Variants in TDRD6 observed in about 807,000 individuals in gnomAD.
TDRD6 encodes tudor domain containing 6.
TDRD6 carries 186 observed loss-of-function variants against 157.5 expected under a neutral mutation model. The ratio of observed to expected loss-of-function variants is 1.18; its 90% confidence interval spans 1.05 to 1.33. The LOEUF (loss-of-function observed/expected upper bound fraction) is 1.33, where lower values mean the gene tolerates loss of function less well. TDRD6 is among the 40% of genes most tolerant of loss of function. The pLI is 0.00. For missense variants in TDRD6, 3,066 were observed against 2,508.0 expected (o/e 1.22, Z -4.75); for synonymous variants, 1,075 against 945.2 (o/e 1.14, Z -2.52).
At chr6:46,681,142 CAT>C in the TDRD6 span, among the ~76,000 whole-genome samples, 2 of 152,200 alleles carry the variant, frequency 1.3e-5, no homozygotes, top group African/African-American at 2.4e-5. Flanking sequence ...CATTTATACA[CAT>C]GATTAAATCA....
intron 3 of TDRD6, among the ~76,000 whole-genome samples, chr6:46,700,198 CTATT>C (rs554343074): frequency 1.4e-3 from 217 of 152,174 alleles, no homozygotes; most frequent in African/African-American, 4.9e-3. Context: ...TAGAAAAGAA[CTATT>C]TAAAGTAGAC....
rs781484467 is a variant in TDRD6, at chr6:46,694,105, C to A, written c.5977C>A (p.Pro1993Thr). 13 of 1,606,720 alleles carry A rather than the reference C, an allele frequency of 8.1e-6. No individual in the cohort carries two copies. The highest frequency in any genetic ancestry group is 2.2e-5 in the East Asian group (1 of 44,862). ...KNRDAISALM[P>T]LFSEEESSDG... ...CAGGGATGCCATTTCGGCATTGATG[C>A]CTTTGTTCTCTGAGGAAGAAAGCAG... The change falls in exon 1 of 4, where the codon CCT (proline) becomes ACT (threonine). Residue 1993 changes from proline (P) to threonine (T), a missense_variant. Transcript: ENST00000316081.
At position 46,691,198 on chromosome 6, in the gene TDRD6, A is replaced by C. The variant is rs561105993; in HGVS notation, c.3070A>C (p.Lys1024Gln). 3 of 1,613,074 alleles carry C rather than the reference A, an allele frequency of 1.9e-6. No homozygotes were observed. The South Asian group carries it at 3.3e-5, about 18-fold the overall frequency. Residue 1024 changes from lysine (K) to glutamine (Q), a missense_variant, in exon 1 of 4, where the codon AAA becomes CAA. Transcript: ENST00000316081. The part of the protein sequence containing the change: ...QLSCSITQLS[K>Q]VLLNLKTSPL... ...GTCATGTAGTATTACACAATTAAGT[A>C]AAGTTTTGCTGAATTTAAAAACATC...
In TDRD6 at chr6:46,695,807, A is replaced by G. The variant is rs759785052; in HGVS notation, c.6047-14A>G. On this transcript the variant is annotated splice_polypyrimidine_tract_variant and intron_variant, in intron 1 of 3. Transcript: ENST00000316081. ...AGAGATATGCATTGAGTCTTACTCA[A>G]TTCAATTTGGCAGCTCAACTACAGA... The G allele has an allele frequency of 1.9e-5, 30 of 1,610,834 alleles. No individual in the cohort carries two copies. In the Admixed American group the frequency reaches 2.5e-4, roughly 14 times the overall value.
At position 46,688,989 on chromosome 6, in the gene TDRD6, CCGGGGTTCCA is replaced by C. The variant is rs1365780014; in HGVS notation, c.867_876del (p.Ser290GlnfsTer61). The C allele has an allele frequency of 9.9e-6, 16 of 1,613,758 alleles. No homozygotes were observed. The highest frequency in any genetic ancestry group is 1.4e-5 in the Non-Finnish European group (16 of 1,179,826). On this transcript the variant is annotated frameshift_variant, in exon 1 of 4. Coordinates refer to ENST00000316081, the MANE Select transcript of TDRD6 (RefSeq NM_001010870.3). LOFTEE classifies it high-confidence loss of function. ...TCTCCGAGAGCATGGCCCAGGTATA[CCGGGGTTCCA>C]CGGGGACAGGGGATGAGAACTCTAC... is the stretch of plus-strand genomic sequence containing the variant.
At position 46,691,774 on chromosome 6, in the gene TDRD6, C is replaced by A. The variant is rs953812212; in HGVS notation, c.3646C>A (p.Gln1216Lys). 4.1e-5 allele frequency: 66 copies of A among 1,596,584 alleles called. No homozygotes were observed. Among genetic ancestry groups the A allele is most frequent in the Non-Finnish European group, 5.4e-5 (63 of 1,175,686 alleles). ...AATTTTGGAAGAGTCATATAAACCT[C>A]AGATCAACTCATCATACAAGGAACT... ...KEILEESYKP[Q>K]INSSYKELKL... Residue 1216 changes from glutamine (Q) to lysine (K), a missense_variant, in exon 1 of 4, where the codon CAG becomes AAG. Physicochemically the swap from Gln to Lys is moderately conservative, Grantham distance 53. Coordinates refer to ENST00000316081, the MANE Select transcript of TDRD6 (RefSeq NM_001010870.3).
At position 46,688,519 on chromosome 6, in the gene TDRD6, C is replaced by A; in HGVS notation, c.391C>A (p.Leu131Ile). Residue 131 changes from leucine to isoleucine, a missense_variant, in exon 1 of 4, where the codon CTA becomes ATA. Coordinates refer to ENST00000316081, the MANE Select transcript of TDRD6 (RefSeq NM_001010870.3). ...GCCCTCGGAAGTGCTGGGCTGCGTGCTAGCGGGCCTGGTGCCGGCAGGCTG... is the reference window on the plus strand; with the variant it reads ...GCCCTCGGAAGTGCTGGGCTGCGTGATAGCGGGCCTGGTGCCGGCAGGCTG... ...NLPSEVLGCV[L>I]AGLVPAGCGA... is the part of the protein sequence containing the mutation. The A allele has an allele frequency of 6.4e-7, 1 of 1,566,072 alleles. No individual in the cohort carries two copies. The highest frequency in any genetic ancestry group is 1.9e-5 in the Admixed American group (1 of 53,978).
At chr6:46,685,570 G>C (rs957428416), upstream of TDRD6, among the ~76,000 whole-genome samples, 16 of 151,978 alleles carry the variant, frequency 1.1e-4, no homozygotes, top group Non-Finnish European at 1.6e-4. Flanking sequence ...TTTGTATTAG[G>C]ATAAGAATAT....
At position 46,688,153 on chromosome 6, in the gene TDRD6, G is replaced by T. The variant is rs768691114; in HGVS notation, c.25G>T (p.Ala9Ser). 3 of 1,543,880 alleles carry T rather than the reference G, an allele frequency of 1.9e-6. No homozygotes were observed. The highest frequency in any genetic ancestry group is 1.9e-5 in the Admixed American group (1 of 52,250). MCSTPGMPAPGASLALRVS... is the reference protein window; with the variant it reads MCSTPGMPSPGASLALRVS... The stretch of plus-strand genomic sequence containing the variant: ...GATGTGCTCGACGCCCGGAATGCCG[G>T]CGCCGGGGGCCTCGCTGGCCCTGCG... The change falls in exon 1 of 4, where the codon GCG becomes TCG. Residue 9 changes from alanine to serine, a missense_variant. Transcript: ENST00000316081.
At chr6:46,685,084 C>T (rs1345957971), upstream of TDRD6, among the ~76,000 whole-genome samples, 1 of 149,418 alleles carries the variant, frequency 6.7e-6, no homozygotes, top group East Asian at 2.0e-4. Context: ...GTCATCTGTA[C>T]ATCCTCCTCC....
Position 46,689,441 on chromosome 6 carries a change from A to G in TDRD6, c.1313A>G (p.Gln438Arg). 6.2e-7 allele frequency: 1 copy of G among 1,613,476 alleles called. No homozygotes were observed. Among genetic ancestry groups the G allele is most frequent in the Non-Finnish European group, 8.5e-7 (1 of 1,180,034 alleles). Residue 438 changes from glutamine (Q) to arginine (R), a missense_variant, in exon 1 of 4, where the codon CAG becomes CGG. Transcript: ENST00000316081. The part of the protein sequence containing the change: ...GINLNRVFGV[Q>R]SCCLADRVLQ... ...AATCTGAACCGTGTGTTTGGAGTAC[A>G]GTCGTGTTGCTTGGCTGACCGAGTC...
In TDRD6 at chr6:46,691,059, T is replaced by C; in HGVS notation, c.2931T>C (p.Tyr977=). The C allele has an allele frequency of 6.2e-7, 1 of 1,613,870 alleles. No homozygotes were observed. The highest frequency in any genetic ancestry group is 8.5e-7 in the Non-Finnish European group (1 of 1,179,886). The change falls in exon 1 of 4, where the codon TAT becomes TAC. Residue 977 remains tyrosine (Y), a synonymous_variant. Coordinates refer to ENST00000316081, the MANE Select transcript of TDRD6 (RefSeq NM_001010870.3). ...CTGTTCAGCTACATTCCTACTTCTA[T>C]TCTACACATGATATGAAAATTGGAA... The part of the protein sequence containing the change: ...ESSVQLHSYF[Y]STHDMKIGSE...
intron 3 of TDRD6, chr6:46,701,072 G>T: frequency 2.4e-6 from 1 of 417,702 alleles, no homozygotes. Context: ...GGTAACTTGT[G>T]TTTTTAAAAC....
Position 46,690,355 on chromosome 6 carries a change from A to G in TDRD6, c.2227A>G (p.Lys743Glu), listed in dbSNP as rs769800918. The change falls in exon 1 of 4, where the codon AAA becomes GAA. Residue 743 changes from lysine (K) to glutamate (E), a missense_variant. Coordinates refer to ENST00000316081, the MANE Select transcript of TDRD6 (RefSeq NM_001010870.3). ...STELVVQEKV[K>E]RASVYFPLMQ... ...TGAACTAGTTGTGCAGGAAAAAGTG[A>G]AAAGAGCATCTGTTTATTTTCCTCT... 3 of 1,613,452 alleles carry G rather than the reference A, an allele frequency of 1.9e-6. No homozygotes were observed. The highest frequency in any genetic ancestry group is 2.5e-6 in the Non-Finnish European group (3 of 1,179,976).
rs1178273191 is a variant in TDRD6 at position 46,692,837 on chromosome 6, T to C, written c.4709T>C (p.Ile1570Thr). The change falls in exon 1 of 4, where the codon ATT becomes ACT. Residue 1570 changes from isoleucine (I) to threonine (T), a missense_variant. Ile to Thr is a moderately conservative substitution (Grantham distance 89). Coordinates refer to ENST00000316081, the MANE Select transcript of TDRD6 (RefSeq NM_001010870.3). ...AGAAATTGTATCCCATGTCCTTATATTGGAGATCCTTGTATAGTAAGATAC... is the reference window on the plus strand; with the variant it reads ...AGAAATTGTATCCCATGTCCTTATACTGGAGATCCTTGTATAGTAAGATAC... ...DRRNCIPCPY[I>T]GDPCIVRYRE... 6.2e-7 allele frequency: 1 copy of C among 1,614,032 alleles called. No homozygotes were observed. Among genetic ancestry groups the C allele is most frequent in the African/African-American group, 1.3e-5 (1 of 75,062 alleles).
Position 46,691,195 on chromosome 6 carries a change from A to T in TDRD6, c.3067A>T (p.Ser1023Cys), listed in dbSNP as rs776895943. 6.2e-7 allele frequency: 1 copy of T among 1,612,958 alleles called. No homozygotes were observed. The highest frequency in any genetic ancestry group is 8.5e-7 in the Non-Finnish European group (1 of 1,179,690). The change falls in exon 1 of 4, where the codon AGT (serine) becomes TGT (cysteine). Residue 1023 changes from serine (S) to cysteine (C), a missense_variant. Transcript: ENST00000316081. ...GTTGTCATGTAGTATTACACAATTA[A>T]GTAAAGTTTTGCTGAATTTAAAAAC... ...EQLSCSITQL[S>C]KVLLNLKTSP... is the part of the protein sequence containing the mutation.
intron 2 of TDRD6, among the ~76,000 whole-genome samples, chr6:46,696,596 TATA>T (rs1764508638): frequency 2.2e-5 from 1 of 44,482 alleles, no homozygotes; most frequent in African/African-American, 6.9e-5. Context: ...TATATATATA[TATA>T]TATTTTTTTT....
At chr6:46,699,748 C>T (rs1332673513) in intron 3 of TDRD6, among the ~76,000 whole-genome samples, 2 of 152,082 alleles carry the variant, frequency 1.3e-5, no homozygotes, top group Non-Finnish European at 2.9e-5. Flanking sequence ...TCTTAATCTA[C>T]CTATTTCTGT....
rs1302115873 is a variant in TDRD6, at chr6:46,695,916, ATT to A, written c.6145_6146del (p.Leu2049ArgfsTer4). 21 of 1,613,414 alleles carry A rather than the reference ATT, an allele frequency of 1.3e-5. No homozygotes were observed. Among genetic ancestry groups the A allele is most frequent in the Non-Finnish European group, 1.5e-5 (18 of 1,179,608 alleles). On this transcript the variant is annotated frameshift_variant, in exon 2 of 4. Transcript: ENST00000316081. LOFTEE classifies it high-confidence loss of function. ...AAGAAACACATGGTCTAAATGTGAG[ATT>A]TTAGAAACAGCTGAAGAAGGAACAA... is the stretch of plus-strand genomic sequence containing the variant. Reference protein sequence around the residue: ...SLRNTWSKCEILETAEEGTRV... With the variant: ...SLRNTWSKCEXLETAEEGTRV...
Sources: allele counts gnomAD v4.1 joint callset (sites outside exome capture counted in the v4.1 genomes callset), GRCh38; gene constraint gnomAD v4.1.1; transcripts MANE v1.5; gene names NCBI Gene and HGNC (gene_info 2026-07-23, HGNC 2026-07-21).